The following RGPD1 variants were observed in gnomAD, a reference collection of about 807,000 sequenced individuals.
RGPD1 encodes the protein RANBP2 like and GRIP domain containing 1, also known as RANBP2-like and GRIP domain-containing protein 1.
RGPD1 carries 7 observed loss-of-function variants against 40.6 expected under a neutral mutation model. The ratio of observed to expected loss-of-function variants is 0.17; its 90% confidence interval spans 0.10 to 0.32. The LOEUF (loss-of-function observed/expected upper bound fraction) is 0.32, where lower values mean the gene tolerates loss of function less well. Ranked by LOEUF, RGPD1 falls within the 10% of genes least tolerant of loss-of-function variation. The pLI, the probability that RGPD1 is intolerant of heterozygous loss-of-function variation, is 1.00. For missense variants in RGPD1, 50 were observed against 472.5 expected (o/e 0.11, Z 8.29); for synonymous variants, 24 against 167.0 (o/e 0.14, Z 6.60).
intron 1 of RGPD1, among the ~76,000 whole-genome samples, chr2:86,942,514 C>T (rs1340927559): frequency 7.9e-6 from 1 of 126,122 alleles, no homozygotes; most frequent in African/African-American, 2.9e-5. Context: ...CCTGGCCGGG[C>T]GGCGGCGGCG....
intron 1 of RGPD1, among the ~76,000 whole-genome samples, chr2:86,929,980 G>A (rs1455185046): frequency 7.0e-6 from 1 of 143,404 alleles, no homozygotes; most frequent in Middle Eastern, 3.8e-3. Context: ...AAAGACCTGC[G>A]GTACAGAATC....
intron 1 of RGPD1, chr2:86,934,700 C>T (rs982314380): frequency 1.5e-5 from 3 of 204,600 alleles, no homozygotes; most frequent in African/African-American, 4.8e-5. Context: ...AAGCAGGTTT[C>T]AGCCAGGCTC....
chr2:87,007,410 C>T (rs533501574), intron 22 of RGPD1, among the ~76,000 whole-genome samples: 3 of 152,306 alleles, frequency 2.0e-5, no homozygotes, highest in Non-Finnish European at 4.4e-5. Context: ...GAGACAGTCT[C>T]GCTGTTTCCC....
At chr2:86,945,618 GC>G (rs1167127943) in intron 1 of RGPD1, among the ~76,000 whole-genome samples, 13 of 152,112 alleles carry the variant, frequency 8.5e-5, no homozygotes. Context: ...CCTCACATGT[GC>G]TTTTGCCCTT....
In RGPD1 at chr2:86,930,804, G is replaced by A. The variant is rs1406353884; in HGVS notation, c.72+16883G>A. 34 of 970,562 alleles carry A rather than the reference G, an allele frequency of 3.5e-5. No individual in the cohort carries two copies. The African/African-American group carries it at 4.6e-4, about 13-fold the overall frequency. 60.1% of individuals were successfully genotyped at this position (970,562 alleles called of 1,614,324 possible). On this transcript the variant is annotated intron_variant, in intron 1 of 22. Transcript: ENST00000398193. ...ACCACAGCCTCCTCTACCGCCAGCC[G>A]CCCCGCCCCTGCCACCTCTGCTGCC...
Position 86,932,001 on chromosome 2 carries a change from C to T in RGPD1, c.72+18080C>T, listed in dbSNP as rs1258323157. ...TAATATTCATATTATATATATATGTCTATAACATATAGACAGAGAAGATAA... is the reference window on the plus strand; with the variant it reads ...TAATATTCATATTATATATATATGTTTATAACATATAGACAGAGAAGATAA... On this transcript the variant is annotated intron_variant, in intron 1 of 22. Transcript: ENST00000398193. Among the ~76,000 whole-genome samples the T allele has an allele frequency of 2.7e-4, 40 of 147,202 alleles. No individual in the cohort carries two copies. The South Asian group carries it at 8.2e-3, about 30-fold the overall frequency.
intron 1 of RGPD1, among the ~76,000 whole-genome samples, chr2:86,925,527 C>G (rs573885388): frequency 2.6e-5 from 4 of 152,172 alleles, no homozygotes; most frequent in African/African-American, 4.8e-5. Flanking sequence ...CTTGGCCTCC[C>G]AAAGTTTTGG....
chr2:86,918,542 C>G (rs1677901107), intron 1 of RGPD1, among the ~76,000 whole-genome samples: 1 of 141,132 alleles, frequency 7.1e-6, no homozygotes, highest in African/African-American at 2.8e-5. Context: ...TCACTACAGG[C>G]TCTGCCTCCT....
intron 1 of RGPD1, among the ~76,000 whole-genome samples, chr2:86,944,675 A>G (rs1408999125): frequency 6.6e-6 from 1 of 150,396 alleles, no homozygotes; most frequent in East Asian, 2.0e-4. Context: ...CACTTCCCAA[A>G]GTGTTGGGAT....
At chr2:86,923,479 C>T (rs375802083) in intron 1 of RGPD1, among the ~76,000 whole-genome samples, 3 of 151,462 alleles carry the variant, frequency 2.0e-5, no homozygotes. Flanking sequence ...CCTATATAGA[C>T]ACAGAATATT....
At chr2:86,931,100 GA>G (rs1176235652) in intron 1 of RGPD1, among the ~76,000 whole-genome samples, 1 of 116,058 alleles carries the variant, frequency 8.6e-6, no homozygotes, top group Non-Finnish European at 1.7e-5. Context: ...TAAATGACTA[GA>G]AGTTTTAAAT....
chr2:86,933,029 C>T (rs917720161), intron 1 of RGPD1, among the ~76,000 whole-genome samples: 1 of 145,294 alleles, frequency 6.9e-6, no homozygotes, highest in Non-Finnish European at 1.5e-5. Flanking sequence ...GGGTCACTTT[C>T]CACTGAAGTT....
At chr2:86,998,541 A>C (rs1681876143) in intron 22 of RGPD1, among the ~76,000 whole-genome samples, 1 of 114,362 alleles carries the variant, frequency 8.7e-6, no homozygotes, top group Admixed American at 8.4e-5. Flanking sequence ...AAAAAAAAAA[A>C]AAAAAAAAAA....
At chr2:86,924,476 CTTTTT>C (rs1343667182) in intron 1 of RGPD1, among the ~76,000 whole-genome samples, 1 of 148,760 alleles carries the variant, frequency 6.7e-6, no homozygotes, top group Non-Finnish European at 1.5e-5. Context: ...ATTTTCATTT[CTTTTT>C]TAAGAGACGG....
intron 1 of RGPD1, among the ~76,000 whole-genome samples, chr2:86,945,247 T>TC (rs905949813): frequency 1.3e-4 from 19 of 151,784 alleles, no homozygotes; most frequent in Non-Finnish European, 1.9e-4. Flanking sequence ...CTTTTTTTTT[T>TC]CCCCCAAATT....
chr2:87,000,136 C>T (rs1681922002), intron 22 of RGPD1, among the ~76,000 whole-genome samples: 1 of 118,644 alleles, frequency 8.4e-6, no homozygotes, highest in Non-Finnish European at 1.6e-5. Context: ...TACTTCTAGT[C>T]ACCTAAGAGT....
intron 1 of RGPD1, among the ~76,000 whole-genome samples, chr2:86,926,518 TAAAC>T (rs1423508578): frequency 6.6e-6 from 1 of 152,056 alleles, no homozygotes; most frequent in Non-Finnish European, 1.5e-5. Flanking sequence ...TTATAATACA[TAAAC>T]AACCTCCCCA....
chr2:86,939,620 C>G (rs555614415), upstream of RGPD1, among the ~76,000 whole-genome samples: 1 of 137,508 alleles, frequency 7.3e-6, no homozygotes, highest in East Asian at 2.0e-4. Flanking sequence ...AGAAGGTTCT[C>G]TCTTTGGGCA....
intron 22 of RGPD1, among the ~76,000 whole-genome samples, chr2:87,000,049 C>G (rs1187013618): frequency 8.6e-6 from 1 of 116,744 alleles, no homozygotes; most frequent in East Asian, 2.5e-4. Context: ...AGTAGTTATT[C>G]AAATTACAGG....
Sources: allele counts gnomAD v4.1 joint callset (sites outside exome capture counted in the v4.1 genomes callset), GRCh38; gene constraint gnomAD v4.1.1; transcripts MANE v1.5; gene names NCBI Gene and HGNC (gene_info 2026-07-23, HGNC 2026-07-21).